The following MAOA variants were observed in gnomAD, a reference collection of about 807,000 sequenced individuals.
The protein encoded by MAOA is monoamine oxidase A, also known as amine oxidase [flavin-containing] A.
In MAOA, 6 loss-of-function variants were observed where a neutral mutation model predicts 42.0. The observed-to-expected ratio is 0.14, with a 90% confidence interval of 0.08 to 0.28. MAOA has a LOEUF of 0.28. MAOA is among the 10% of genes least tolerant of loss of function. The pLI, the probability that MAOA is intolerant of heterozygous loss-of-function variation, is 1.00. For missense variants in MAOA, 262 were observed against 422.3 expected (o/e 0.62, Z 3.33); for synonymous variants, 140 against 154.0 (o/e 0.91, Z 0.67).
rs181968698 is a variant in MAOA at position 43,735,706 on chromosome X, A to G, written c.1053-521A>G. Among the ~76,000 whole-genome samples, 179 of 112,240 alleles carry G rather than the reference A, an allele frequency of 1.6e-3. 1 individual carries two copies. The highest frequency in any genetic ancestry group is 5.7e-3 in the African/African-American group (177 of 30,898). On this transcript the variant is annotated intron_variant, in intron 9 of 14. Coordinates refer to ENST00000338702, the MANE Select transcript of MAOA (RefSeq NM_000240.4). ...CTTCAACCGCATCTAGGTCAGAACA[A>G]CTCTAGGGAGGGGTGGGACCTTGAG...
intron 4 of MAOA, among the ~76,000 whole-genome samples, chrX:43,712,431 G>A (rs1170465769): frequency 9.0e-6 from 1 of 111,591 alleles, no homozygotes; most frequent in Non-Finnish European, 1.9e-5. Flanking sequence ...CAATAACAAT[G>A]ATGATGATAA....
intron 5 of MAOA, 33 bp downstream of exon 5, chrX:43,712,829 T>A (rs2033709943): frequency 4.0e-6 from 4 of 998,234 alleles, no homozygotes; most frequent in Non-Finnish European, 4.3e-6. Flanking sequence ...AATTTACTTT[T>A]TATCTTCCCT....
At chrX:43,730,487 C>CTTTT (rs1232538202) in intron 6 of MAOA, among the ~76,000 whole-genome samples, 8 of 84,782 alleles carry the variant, frequency 9.4e-5, no homozygotes, top group South Asian at 6.0e-4. Flanking sequence ...TATTCCGAAT[C>CTTTT]TTTTTTTTTT....
intron 11 of MAOA, 51 bp from the exon 12 acceptor site, chrX:43,741,899 G>A: frequency 8.3e-7 from 1 of 1,206,633 alleles, no homozygotes; most frequent in Non-Finnish European, 1.1e-6. Flanking sequence ...TTGACTCGCA[G>A]CATTTCAGCT....
intron 1 of MAOA, among the ~76,000 whole-genome samples, chrX:43,666,690 T>A (rs943826675): frequency 9.0e-6 from 1 of 110,825 alleles, no homozygotes. Flanking sequence ...CTCATAAGCC[T>A]CCAGTAGCCC....
chrX:43,740,837 G>A, intron 11 of MAOA, 99 bp downstream of exon 11: 1 of 790,437 alleles, frequency 1.3e-6, no homozygotes, highest in Non-Finnish European at 1.8e-6. Flanking sequence ...CTTATGAAGA[G>A]AGTATAAAGC....
intron 1 of MAOA, among the ~76,000 whole-genome samples, chrX:43,673,704 C>T (rs1437240701): frequency 9.0e-6 from 1 of 111,353 alleles, no homozygotes; most frequent in Non-Finnish European, 1.9e-5. Context: ...TTGTTATGTA[C>T]CCAGTAGTCA....
At chrX:43,711,508 C>T (rs2033699478) in intron 3 of MAOA, among the ~76,000 whole-genome samples, 1 of 112,330 alleles carries the variant, frequency 8.9e-6, no homozygotes, top group South Asian at 3.7e-4. Flanking sequence ...GTGGGAACAG[C>T]TTTCTCAAGA....
intron 3 of MAOA, among the ~76,000 whole-genome samples, chrX:43,704,445 A>G (rs891089463): frequency 2.7e-5 from 3 of 111,569 alleles, no homozygotes; most frequent in East Asian, 2.8e-4. Flanking sequence ...ACATCCTTTT[A>G]TGATAAAACC....
At chrX:43,700,079 C>G (rs2033610943) in intron 3 of MAOA, among the ~76,000 whole-genome samples, 1 of 111,843 alleles carries the variant, frequency 8.9e-6, no homozygotes, top group African/African-American at 3.2e-5. Flanking sequence ...TGTATATTTG[C>G]CTCCTTTCTT....
intron 9 of MAOA, among the ~76,000 whole-genome samples, chrX:43,733,986 A>G (rs762879019): frequency 5.4e-5 from 6 of 111,673 alleles, no homozygotes; most frequent in Non-Finnish European, 1.1e-4. Flanking sequence ...ATCATCTTCT[A>G]TATGCCAGAG....
intron 5 of MAOA, among the ~76,000 whole-genome samples, chrX:43,715,223 C>A (rs1180504692): frequency 9.2e-6 from 1 of 108,854 alleles, no homozygotes; most frequent in Non-Finnish European, 1.9e-5. Flanking sequence ...GAATGAGCTA[C>A]ACTGGCAGTG....
intron 10 of MAOA, among the ~76,000 whole-genome samples, chrX:43,737,354 A>T (rs1319626665): frequency 1.8e-5 from 2 of 111,937 alleles, no homozygotes; most frequent in African/African-American, 6.5e-5. Flanking sequence ...CTAGTGTCTT[A>T]GTGCATTTGT....
At chrX:43,705,334 A>T (rs1279758081) in intron 3 of MAOA, among the ~76,000 whole-genome samples, 1 of 112,120 alleles carries the variant, frequency 8.9e-6, no homozygotes, top group African/African-American at 3.2e-5. Context: ...TGCCCAATTG[A>T]TTTTTGTCAA....
chrX:43,708,105 G>T lies in MAOA; in HGVS notation c.307-3767G>T, dbSNP rs981968089. On this transcript the variant is annotated intron_variant, in intron 3 of 14. Coordinates refer to ENST00000338702, the MANE Select transcript of MAOA (RefSeq NM_000240.4). ...AAGTCACTTAAGTGTTTTGGGGCAC[G>T]GTTCCAGGGACATTGCGTTCTGCTT... Among the ~76,000 whole-genome samples the T allele has an allele frequency of 2.7e-5, 3 of 111,171 alleles. No individual in the cohort carries two copies. The Admixed American group carries it at 2.9e-4, about 11-fold the overall frequency.
At chrX:43,720,588 C>T (rs2033781102) in intron 5 of MAOA, among the ~76,000 whole-genome samples, 1 of 110,199 alleles carries the variant, frequency 9.1e-6, no homozygotes, top group South Asian at 3.9e-4. Context: ...AGTGTTGGTA[C>T]ATGGTATATT....
chrX:43,732,772 T>A lies in MAOA; in HGVS notation c.1029T>A (p.Asp343Glu). The A allele has an allele frequency of 8.3e-7, 1 of 1,206,255 alleles. No homozygotes were observed. Among genetic ancestry groups the A allele is most frequent in the East Asian group, 3.0e-5 (1 of 33,807 alleles). The change falls in exon 9 of 15, where the codon GAT becomes GAA. Residue 343 changes from aspartate (D) to glutamate (E), a missense_variant. Around this residue, in one of 3 missense-constraint regions of MAOA, gnomAD observed 86 missense variants for 190.3 expected, o/e 0.45. Transcript: ENST00000338702. The part of the protein sequence containing the change: ...ISITLDDTKP[D>E]GSLPAIMGFI... ...TAACCTTGGATGACACCAAGCCAGA[T>A]GGGTCACTGCCTGCCATCATGGGGT...
rs763307947 is a variant in MAOA, at chrX:43,744,360, C to T, written c.1438-7C>T. The T allele has an allele frequency of 3.3e-6, 4 of 1,210,906 alleles. No individual in the cohort carries two copies. In the African/African-American group the frequency reaches 5.2e-5, roughly 16 times the overall value. ...TTTTTGCTCATGATCTGTGTTCCTTCATCTAGGACGTTCCAGCGGTAGAAA... is the reference window on the plus strand; with the variant it reads ...TTTTTGCTCATGATCTGTGTTCCTTTATCTAGGACGTTCCAGCGGTAGAAA... On this transcript the variant is annotated splice_region_variant and splice_polypyrimidine_tract_variant and intron_variant, in intron 14 of 14. Coordinates refer to ENST00000338702, the MANE Select transcript of MAOA (RefSeq NM_000240.4).
intron 1 of MAOA, among the ~76,000 whole-genome samples, chrX:43,671,770 T>C (rs1325020870): frequency 9.9e-6 from 1 of 100,905 alleles, no homozygotes; most frequent in African/African-American, 3.6e-5. Flanking sequence ...CGGCATTATT[T>C]CTGAGGGCTC....
Sources: allele counts gnomAD v4.1 joint callset (sites outside exome capture counted in the v4.1 genomes callset), GRCh38; gene constraint gnomAD v4.1.1; regional missense constraint gnomAD v4.1.1; transcripts MANE v1.5; gene names NCBI Gene and HGNC (gene_info 2026-07-23, HGNC 2026-07-21).